Variants in EYS observed in about 807,000 individuals in gnomAD.
EYS encodes protein eyes shut homolog.
EYS carries 250 observed loss-of-function variants against 282.1 expected under a neutral mutation model. That is an observed-to-expected ratio of 0.89 (90% confidence interval 0.80 to 0.98). The LOEUF (loss-of-function observed/expected upper bound fraction) is 0.98. EYS is among the 50% of genes least tolerant of loss of function. EYS has a pLI of 0.00. For missense variants in EYS, 4,016 were observed against 3,709.0 expected, an observed-to-expected ratio of 1.08 and a Z score of -2.15; for synonymous variants, 1,355 against 1,282.9, an observed-to-expected ratio of 1.06 and a Z score of -1.20.
At chr6:65,608,206 A>G (rs775879647) in intron 2 of EYS, among the ~76,000 whole-genome samples, 4 of 152,178 alleles carry the variant, frequency 2.6e-5, no homozygotes, top group East Asian at 1.9e-4. Context: ...GCTATAGCCT[A>G]TTGCTCCTAG....
intron 12 of EYS, among the ~76,000 whole-genome samples, chr6:65,244,690 T>C (rs1767137226): frequency 6.4e-5 from 1 of 15,642 alleles, no homozygotes; most frequent in Non-Finnish European, 1.4e-4. Context: ...TTTTTTGTAT[T>C]TTTTTTTTTT....
intron 11 of EYS, among the ~76,000 whole-genome samples, chr6:65,298,321 G>C (rs555644801): frequency 6.6e-6 from 1 of 152,100 alleles, no homozygotes; most frequent in South Asian, 2.1e-4. Flanking sequence ...TTAGGATCTT[G>C]CTGAAGTCTC....
intron 35 of EYS, among the ~76,000 whole-genome samples, chr6:63,914,287 G>C (rs1764360588): frequency 6.6e-6 from 1 of 152,200 alleles, no homozygotes; most frequent in Admixed American, 6.5e-5. Flanking sequence ...ATGAAGTTTA[G>C]TGAGGAAGGC....
At chr6:65,290,704 A>G (rs1427114882) in intron 12 of EYS, among the ~76,000 whole-genome samples, 2 of 151,384 alleles carry the variant, frequency 1.3e-5, no homozygotes, top group East Asian at 3.9e-4. Context: ...ACGCATCTAA[A>G]AGACCAAAAT....
Position 64,524,891 on chromosome 6 carries a change from A to C in EYS, c.5644+65332T>G, listed in dbSNP as rs573022174. 3.3e-5 allele frequency among the ~76,000 whole-genome samples: 5 copies of C among 151,932 alleles called. No individual in the cohort carries two copies. The East Asian group carries it at 9.7e-4, about 29-fold the overall frequency. ...CACATAAACAGACACTTTTCAAAAGAAGACATACACATGGCCAACAAGCAT... is the reference window on the plus strand; with the variant it reads ...CACATAAACAGACACTTTTCAAAAGCAGACATACACATGGCCAACAAGCAT... On this transcript the variant is annotated intron_variant, in intron 26 of 42. Transcript: ENST00000503581.
At chr6:64,017,520 G>A (rs1768952848) in intron 33 of EYS, among the ~76,000 whole-genome samples, 1 of 152,210 alleles carries the variant, frequency 6.6e-6, no homozygotes, top group South Asian at 2.1e-4. Context: ...TGTTCCTCAG[G>A]TTCCTCCCTG....
chr6:64,462,229 A>G, intron 26 of EYS, among the ~76,000 whole-genome samples: 1 of 152,216 alleles, frequency 6.6e-6, no homozygotes, highest in Admixed American at 6.5e-5. Flanking sequence ...TGTAAGATAC[A>G]GATGTATTGA....
At chr6:65,169,473 A>G (rs1044022542) in intron 12 of EYS, among the ~76,000 whole-genome samples, 2 of 151,552 alleles carry the variant, frequency 1.3e-5, no homozygotes, top group Non-Finnish European at 3.0e-5. Context: ...TTTACATTTT[A>G]ATTAGAGATA....
At chr6:64,489,743 G>A (rs146698665) in intron 26 of EYS, among the ~76,000 whole-genome samples, 11 of 150,314 alleles carry the variant, frequency 7.3e-5, no homozygotes, top group African/African-American at 2.4e-4. Context: ...TTAAAATAAC[G>A]TACTTCATCA....
intron 35 of EYS, among the ~76,000 whole-genome samples, chr6:63,874,020 T>C (rs1772892025): frequency 6.6e-6 from 1 of 152,236 alleles, no homozygotes; most frequent in South Asian, 2.1e-4. Flanking sequence ...TTGTCAATTT[T>C]GGCTTATGTT....
chr6:64,413,195 G>A (rs1773957264), intron 28 of EYS, among the ~76,000 whole-genome samples: 1 of 151,964 alleles, frequency 6.6e-6, no homozygotes, highest in South Asian at 2.1e-4. Context: ...CCATAGTTTT[G>A]GCAGTGGTTC....
At chr6:64,265,194 TG>T (rs1380398394) in intron 30 of EYS, among the ~76,000 whole-genome samples, 2 of 152,168 alleles carry the variant, frequency 1.3e-5, no homozygotes, top group African/African-American at 2.4e-5. Flanking sequence ...GATAACAGTA[TG>T]CAATTTAAAG....
At chr6:64,739,881 G>T (rs2149959982) in intron 22 of EYS, among the ~76,000 whole-genome samples, 1 of 152,086 alleles carries the variant, frequency 6.6e-6, no homozygotes, top group African/African-American at 2.4e-5. Flanking sequence ...CTATTATTAG[G>T]AAAATAAGTG....
chr6:64,217,209 A>G (rs760716415), intron 31 of EYS, among the ~76,000 whole-genome samples: 5 of 152,180 alleles, frequency 3.3e-5, no homozygotes, highest in African/African-American at 7.2e-5. Flanking sequence ...GACACTAGGT[A>G]TAAGTCAGTG....
At position 65,405,253 on chromosome 6, in the gene EYS, C is replaced by T. The variant is rs112822256; in HGVS notation, c.977G>A (p.Ser326Asn). The change falls in exon 6 of 43, where the codon AGC becomes AAC. Residue 326 changes from serine (S) to asparagine (N), a missense_variant. Ser to Asn is a conservative substitution (Grantham distance 46, BLOSUM62 1). Transcript: ENST00000503581. ...ACTGACATCAGTTTCACCATTTTGG[C>T]TGGAAGATCCTTTTGGGCATTCATA... ...YTYECPKGSSSQNGETDVSEF... is the reference protein window; with the variant it reads ...YTYECPKGSSNQNGETDVSEF... 1.5e-3 allele frequency: 2,466 copies of T among 1,613,202 alleles called. 9 individuals carry two copies. Among genetic ancestry groups the T allele is most frequent in the Middle Eastern group, 0.011 (67 of 6,054 alleles).
At position 64,018,829 on chromosome 6, in the gene EYS, C is replaced by T. The variant is rs1188085498; in HGVS notation, c.6726-19646G>A. Reference sequence around the variant, plus strand: ...TCACTCTGTTGCCCAGGCTGGAGTGCAATGGCACAGTCTCAGCTCACTGCA... The same window carrying T: ...TCACTCTGTTGCCCAGGCTGGAGTGTAATGGCACAGTCTCAGCTCACTGCA... On this transcript the variant is annotated intron_variant, in intron 33 of 42. Transcript: ENST00000503581. 2.5e-5 allele frequency among the ~76,000 whole-genome samples: 3 copies of T among 121,360 alleles called. No homozygotes were observed. In the Admixed American group the frequency reaches 3.4e-4, roughly 14 times the overall value. 79.6% of individuals were successfully genotyped at this position (121,360 alleles called of 152,430 possible). A position where few individuals can be genotyped will look rare whatever the true frequency, so the allele number is the denominator to read the frequency against.
chr6:65,012,627 T>C (rs1307278255), intron 13 of EYS, among the ~76,000 whole-genome samples: 1 of 151,958 alleles, frequency 6.6e-6, no homozygotes, highest in Non-Finnish European at 1.5e-5. Context: ...AAGCCAAGTG[T>C]CCCTGTGATT....
intron 30 of EYS, among the ~76,000 whole-genome samples, chr6:64,243,338 C>G (rs1275554983): frequency 6.6e-6 from 1 of 152,128 alleles, no homozygotes; most frequent in Non-Finnish European, 1.5e-5. Context: ...ATCTCAGTGG[C>G]TTAACACCAC....
intron 22 of EYS, among the ~76,000 whole-genome samples, chr6:64,638,168 A>G: frequency 1.1e-5 from 1 of 91,530 alleles, no homozygotes; most frequent in Admixed American, 1.2e-4. Flanking sequence ...TTATTTTATG[A>G]AAAAACAATT....
Sources: gnomAD v4.1 joint callset for allele counts (sites outside exome capture counted in the v4.1 genomes callset) on GRCh38, gnomAD v4.1.1 for gene constraint, MANE v1.5 for transcripts, NCBI Gene and HGNC (gene_info 2026-07-23, HGNC 2026-07-21) for gene names.